EPC2: variants seen among roughly 807,000 people sequenced by gnomAD.
EPC2 encodes enhancer of polycomb homolog 2.
In EPC2, 14 loss-of-function variants were observed where a neutral mutation model predicts 92.1. The observed-to-expected ratio is 0.15, with a 90% CI of 0.10 to 0.24. EPC2 has a LOEUF of 0.24. Among genes scored for constraint, EPC2 ranks in the 10% least tolerant of loss-of-function variants. EPC2 has a pLI of 1.00. For synonymous variants in EPC2, 340 were observed against 334.7 expected, an observed-to-expected ratio of 1.02 and a Z score of -0.17; for missense variants, 755 against 971.5, an observed-to-expected ratio of 0.78 and a Z score of 2.96.
intron 2 of EPC2, among the ~76,000 whole-genome samples, chr2:148,729,754 A>G (rs1042748613): frequency 1.3e-5 from 2 of 152,188 alleles, no homozygotes; most frequent in African/African-American, 4.8e-5. Context: ...ATTAAAAAAT[A>G]TATATTCTTG....
intron 10 of EPC2, among the ~76,000 whole-genome samples, chr2:148,779,004 G>GA (rs769915651): frequency 2.0e-5 from 3 of 152,168 alleles, no homozygotes; most frequent in Non-Finnish European, 4.4e-5. Flanking sequence ...AAAAGGTTAA[G>GA]AAACACTGAC....
intron 1 of EPC2, among the ~76,000 whole-genome samples, chr2:148,655,942 TAA>T (rs1166817537): frequency 6.9e-6 from 1 of 144,042 alleles, no homozygotes; most frequent in African/African-American, 2.6e-5. Flanking sequence ...AGCATATACA[TAA>T]AAAGTGTCTT....
intron 2 of EPC2, among the ~76,000 whole-genome samples, chr2:148,739,625 A>G (rs1473860879): frequency 2.6e-5 from 4 of 152,114 alleles, no homozygotes. Context: ...AGCAGGTTAT[A>G]CCCACTTCCT....
intron 10 of EPC2, 62 bp downstream of exon 10, chr2:148,771,449 A>G (rs1683517305): frequency 7.1e-7 from 1 of 1,415,746 alleles, no homozygotes; most frequent in African/African-American, 1.4e-5. Context: ...TTTATTGGGA[A>G]AGGAATTTTA....
chr2:148,728,324 TTAA>T (rs1256706920), intron 2 of EPC2, among the ~76,000 whole-genome samples: 3 of 152,124 alleles, frequency 2.0e-5, no homozygotes, highest in South Asian at 2.1e-4. Flanking sequence ...TTTGTTTTGC[TTAA>T]TAATATAGTC....
chr2:148,753,241 C>G (rs549105185), intron 3 of EPC2, among the ~76,000 whole-genome samples: 1 of 152,222 alleles, frequency 6.6e-6, no homozygotes, highest in East Asian at 1.9e-4. Flanking sequence ...CATTAGAGCT[C>G]CTAAGGGAAC....
At chr2:148,648,481 A>G (rs2105348243) in intron 1 of EPC2, among the ~76,000 whole-genome samples, 1 of 152,296 alleles carries the variant, frequency 6.6e-6, no homozygotes, top group South Asian at 2.1e-4. Context: ...TTAACTCCTT[A>G]TTTTTATAAG....
At chr2:148,786,216 T>C (rs1002231424) in intron 13 of EPC2, 89 bp from the exon 14 acceptor site, 2 of 1,080,428 alleles carry the variant, frequency 1.9e-6, no homozygotes, top group Non-Finnish European at 1.4e-6. Context: ...GTTGTAATTA[T>C]GTAACAATGT....
At chr2:148,740,463 T>A (rs1439962830) in intron 2 of EPC2, among the ~76,000 whole-genome samples, 1 of 152,172 alleles carries the variant, frequency 6.6e-6, no homozygotes, top group African/African-American at 2.4e-5. Flanking sequence ...ATACTTAGAC[T>A]GCTAGTGCAA....
chr2:148,769,584 T>C (rs1365592333), intron 8 of EPC2, among the ~76,000 whole-genome samples: 2 of 152,224 alleles, frequency 1.3e-5, no homozygotes, highest in Non-Finnish European at 2.9e-5. Context: ...TGATGGCTGC[T>C]AGGTGTTTAT....
intron 1 of EPC2, among the ~76,000 whole-genome samples, chr2:148,654,692 C>T (rs998209936): frequency 6.6e-6 from 1 of 152,104 alleles, no homozygotes; most frequent in Non-Finnish European, 1.5e-5. Context: ...AAAGAGAGAG[C>T]GCTTTCAAAC....
chr2:148,734,752 T>A (rs1220252687), intron 2 of EPC2, among the ~76,000 whole-genome samples: 1 of 152,010 alleles, frequency 6.6e-6, no homozygotes, highest in Non-Finnish European at 1.5e-5. Context: ...TTTCAAGGAA[T>A]GTTATGTAAG....
At chr2:148,750,183 A>G (rs899036649) in intron 3 of EPC2, among the ~76,000 whole-genome samples, 21 of 152,096 alleles carry the variant, frequency 1.4e-4, no homozygotes, top group African/African-American at 4.6e-4. Flanking sequence ...TGAGAATCAG[A>G]AAACTATAGT....
intron 1 of EPC2, among the ~76,000 whole-genome samples, chr2:148,684,713 A>T (rs546637547): frequency 6.6e-6 from 1 of 152,192 alleles, no homozygotes; most frequent in Non-Finnish European, 1.5e-5. Flanking sequence ...GTGAACCCCT[A>T]TGCCTACTTA....
intron 2 of EPC2, among the ~76,000 whole-genome samples, chr2:148,709,355 A>G (rs2105382867): frequency 6.6e-6 from 1 of 152,362 alleles, no homozygotes; most frequent in Middle Eastern, 3.4e-3. Flanking sequence ...GGACACAAAC[A>G]AATGGAAGAA....
At position 148,771,083 on chromosome 2, in the gene EPC2, C is replaced by T. The variant is rs1683506749; in HGVS notation, c.1416C>T (p.Val472=). The change falls in exon 10 of 14, where the codon GTC becomes GTT. Residue 472 remains valine (V), a synonymous_variant. Coordinates refer to ENST00000258484, the MANE Select transcript of EPC2 (RefSeq NM_015630.4). ...GAATATCCACAGAACATGACCCAGT[C>T]CTGAAACAGATAGACCCTGAAATGC... is the stretch of plus-strand genomic sequence containing the variant. ...MDRISTEHDP[V]LKQIDPEMLN... The T allele has an allele frequency of 6.2e-7, 1 of 1,612,184 alleles. No individual in the cohort carries two copies. The highest frequency in any genetic ancestry group is 2.2e-5 in the East Asian group (1 of 44,858).
At chr2:148,753,818 T>C (rs976413943) in intron 3 of EPC2, 109 bp from the exon 4 acceptor site, 2 of 729,620 alleles carry the variant, frequency 2.7e-6, no homozygotes, top group Non-Finnish European at 4.5e-6. Context: ...TATAATATTA[T>C]CTGTTAGTAG....
chr2:148,753,138 A>G (rs1683110613), intron 3 of EPC2, among the ~76,000 whole-genome samples: 1 of 152,170 alleles, frequency 6.6e-6, no homozygotes, highest in African/African-American at 2.4e-5. Context: ...CAAGGCAACA[A>G]ATATGACCAA....
intron 2 of EPC2, among the ~76,000 whole-genome samples, chr2:148,739,833 C>CTTTTTTTTTTTTTTTTT (rs144868417): frequency 6.9e-3 from 564 of 81,214 alleles, no homozygotes; most frequent in Middle Eastern, 0.013. Context: ...TCTTCTTCTT[C>CTTTTTTTTTTTTTTTTT]TTTTTTTTTT....
Sources: gnomAD v4.1 joint callset for allele counts (sites outside exome capture counted in the v4.1 genomes callset) on GRCh38, gnomAD v4.1.1 for gene constraint, MANE v1.5 for transcripts, NCBI Gene and HGNC (gene_info 2026-07-23, HGNC 2026-07-21) for gene names.